The following ANKFN1 variants were observed in gnomAD, a reference collection of about 807,000 sequenced individuals.
ANKFN1 encodes the protein ankyrin repeat and fibronectin type III domain containing 1.
In ANKFN1, 74 loss-of-function variants were observed where a neutral mutation model predicts 108.7. The ratio of observed to expected loss-of-function variants is 0.68; its 90% CI spans 0.56 to 0.83. The LOEUF is 0.83. ANKFN1 is among the 40% of genes least tolerant of loss of function. The pLI is 0.00. For synonymous variants in ANKFN1, 547 were observed against 516.2 expected (o/e 1.06, Z -0.81); for missense variants, 1,505 against 1,382.3 (o/e 1.09, Z -1.41).
intron 8 of ANKFN1, among the ~76,000 whole-genome samples, chr17:56,433,156 T>A (rs573800469): frequency 3.0e-4 from 46 of 152,310 alleles, no homozygotes; most frequent in Middle Eastern, 3.4e-3. Flanking sequence ...AGATTCTTTA[T>A]CACCCATTGA....
intron 8 of ANKFN1, among the ~76,000 whole-genome samples, chr17:56,399,976 A>G (rs2047711921): frequency 6.7e-6 from 1 of 149,280 alleles, no homozygotes; most frequent in Non-Finnish European, 1.5e-5. Context: ...TTTTTAATCC[A>G]CTTGTGGATT....
At chr17:56,064,024 G>A (rs1234364381) in intron 4 of ANKFN1, among the ~76,000 whole-genome samples, 3 of 152,098 alleles carry the variant, frequency 2.0e-5, no homozygotes, top group Non-Finnish European at 2.9e-5. Flanking sequence ...GCAGTTTGTT[G>A]GGGGTTCACT....
intron 3 of ANKFN1, among the ~76,000 whole-genome samples, chr17:56,298,608 A>G (rs991926877): frequency 1.3e-5 from 2 of 151,902 alleles, no homozygotes; most frequent in African/African-American, 4.8e-5. Context: ...CAACATTTTC[A>G]TCAAAGATCT....
At chr17:56,340,702 G>A (rs1430538264) in intron 4 of ANKFN1, among the ~76,000 whole-genome samples, 1 of 152,010 alleles carries the variant, frequency 6.6e-6, no homozygotes, top group African/African-American at 2.4e-5. Context: ...TTTGTTTACT[G>A]TACCCCTGTG....
Position 56,510,687 on chromosome 17 carries a change from G to A in ANKFN1, c.2859G>A (p.Gln953=), listed in dbSNP as rs1265088454. The stretch of plus-strand genomic sequence containing the variant: ...TGAAAACCCCTCTGGGGCCGGGCCA[G>A]GATCCCCAGGGCGAGGGCCCAAATC... The part of the protein sequence containing the change: ...HDVKTPLGPG[Q]DPQGEGPNPD... The change falls in exon 21 of 21, where the codon CAG becomes CAA. Residue 953 remains glutamine, a synonymous_variant. Transcript: ENST00000682825. 6.5e-7 allele frequency: 1 copy of A among 1,536,166 alleles called. No homozygotes were observed. The highest frequency in any genetic ancestry group is 1.2e-5 in the South Asian group (1 of 84,066).
intron 3 of ANKFN1, among the ~76,000 whole-genome samples, chr17:56,232,964 C>T (rs1212697764): frequency 6.6e-6 from 1 of 152,058 alleles, no homozygotes; most frequent in Non-Finnish European, 1.5e-5. Flanking sequence ...TCTTGCTAGA[C>T]TTTACTGGTT....
intron 1 of ANKFN1, among the ~76,000 whole-genome samples, chr17:56,168,069 C>A (rs1567814470): frequency 6.6e-6 from 1 of 152,056 alleles, no homozygotes; most frequent in Admixed American, 6.6e-5. Context: ...GAATTTGAGA[C>A]CGGCCTGACC....
chr17:56,261,199 C>A (rs1335545348), intron 3 of ANKFN1, among the ~76,000 whole-genome samples: 1 of 152,174 alleles, frequency 6.6e-6, no homozygotes, highest in Non-Finnish European at 1.5e-5. Flanking sequence ...ATATTTTGAA[C>A]AATATTGTCT....
Position 56,212,629 on chromosome 17 carries a change from G to T in ANKFN1, c.-39G>T, listed in dbSNP as rs1002585831. Among the ~76,000 whole-genome samples, 24 of 152,182 alleles carry T rather than the reference G, an allele frequency of 1.6e-4. No individual in the cohort carries two copies. The highest frequency in any genetic ancestry group is 5.8e-4 in the African/African-American group (24 of 41,446). ...TAGGATAAGAAATAAGCTGTATGAA[G>T]AAATCCAGTTTGAGACCAGGAGCCT... On this transcript the variant is annotated 5_prime_UTR_variant, in exon 2 of 21. Coordinates refer to ENST00000682825, the MANE Select transcript of ANKFN1 (RefSeq NM_001370326.1).
intron 14 of ANKFN1, among the ~76,000 whole-genome samples, chr17:56,458,733 T>C (rs893220097): frequency 3.9e-5 from 6 of 152,116 alleles, no homozygotes; most frequent in Non-Finnish European, 7.3e-5. Flanking sequence ...CATTAAGAGA[T>C]CGCTGAGCCT....
At chr17:56,135,582 C>T (rs541538072) in intron 4 of ANKFN1, among the ~76,000 whole-genome samples, 5 of 152,294 alleles carry the variant, frequency 3.3e-5, no homozygotes, top group Admixed American at 2.0e-4. Flanking sequence ...ATGAGAAGGT[C>T]ATTAACTTGT....
intron 1 of ANKFN1, among the ~76,000 whole-genome samples, chr17:56,200,108 T>C (rs1001131092): frequency 2.0e-5 from 3 of 152,178 alleles, no homozygotes; most frequent in African/African-American, 7.2e-5. Context: ...AACTCTTGAG[T>C]ATTACTGGAA....
chr17:56,171,135 C>T (rs1262366308), intron 1 of ANKFN1, among the ~76,000 whole-genome samples: 1 of 151,928 alleles, frequency 6.6e-6, no homozygotes, highest in Admixed American at 6.6e-5. Context: ...AAATGCATAA[C>T]ATGGGAAATG....
chr17:56,195,225 A>G (rs575764400), intron 1 of ANKFN1: 2 of 152,324 alleles, frequency 1.3e-5, no homozygotes, highest in East Asian at 3.9e-4. Context: ...GCTCCCATGC[A>G]CTTTGCACAC....
In ANKFN1 at chr17:56,511,384, T is replaced by C. The variant is rs763801535; in HGVS notation, c.*115T>C. 2.5e-4 allele frequency: 290 copies of C among 1,165,634 alleles called. No individual in the cohort carries two copies. Among genetic ancestry groups the C allele is most frequent in the Non-Finnish European group, 3.1e-4 (268 of 854,554 alleles). 72.2% of individuals were successfully genotyped at this position (1,165,634 alleles called of 1,614,324 possible). A position where few individuals can be genotyped will look rare whatever the true frequency, so the allele number is the denominator to read the frequency against. ...TCATTTTCAAGCGTTTTGAATGTTA[T>C]AAATACAAAGGTTACAAGTTCAAGG... On this transcript the variant is annotated 3_prime_UTR_variant, in exon 21 of 21. Transcript: ENST00000682825.
intron 1 of ANKFN1, among the ~76,000 whole-genome samples, chr17:56,172,339 C>G (rs1910759997): frequency 6.6e-6 from 1 of 152,100 alleles, no homozygotes; most frequent in Admixed American, 6.5e-5. Flanking sequence ...TCAACAACTC[C>G]TGTAGCTTTC....
chr17:56,144,568 G>T (rs1179242921), intron 4 of ANKFN1, among the ~76,000 whole-genome samples: 2 of 152,184 alleles, frequency 1.3e-5, no homozygotes, highest in East Asian at 3.9e-4. Flanking sequence ...ATGCTGCAGA[G>T]AATCTGTTGT....
intron 2 of ANKFN1, among the ~76,000 whole-genome samples, chr17:56,216,008 G>A (rs958157576): frequency 3.9e-5 from 6 of 152,144 alleles, no homozygotes; most frequent in African/African-American, 1.2e-4. Flanking sequence ...TTTATGCTCC[G>A]ATTCATAAGG....
intron 3 of ANKFN1, among the ~76,000 whole-genome samples, chr17:56,274,245 A>G (rs112274998): frequency 0.13 from 19,696 of 152,050 alleles, 2,034 homozygotes; most frequent in African/African-American, 0.28. Context: ...AGGCCGAGGC[A>G]GGCGGATCAC....
Sources: gnomAD v4.1 joint callset for allele counts (sites outside exome capture counted in the v4.1 genomes callset) on GRCh38, gnomAD v4.1.1 for gene constraint, MANE v1.5 for transcripts, NCBI Gene and HGNC (gene_info 2026-07-23, HGNC 2026-07-21) for gene names.